Variants in KCNH8 observed in about 807,000 individuals in gnomAD.
KCNH8 encodes the protein voltage-gated delayed rectifier potassium channel KCNH8.
In KCNH8, 70 loss-of-function variants were observed where a neutral mutation model predicts 103.6. The ratio of observed to expected loss-of-function variants is 0.68; its 90% CI spans 0.56 to 0.82. The LOEUF is 0.82. KCNH8 is among the 40% of genes least tolerant of loss of function. The probability of loss-of-function intolerance (pLI) is 0.00; values close to 1 mark genes in which losing one functional copy is unlikely to be tolerated. For missense variants in KCNH8, 1,217 were observed against 1,329.9 expected (o/e 0.92, Z 1.32); for synonymous variants, 498 against 489.4 (o/e 1.02, Z -0.23).
At chr3:19,323,450 A>G (rs2065378952) in intron 3 of KCNH8, among the ~76,000 whole-genome samples, 1 of 151,884 alleles carries the variant, frequency 6.6e-6, no homozygotes, top group Non-Finnish European at 1.5e-5. Context: ...CTGTGTCTCA[A>G]AAAAAAATAA....
chr3:19,398,623 G>A (rs527875402), intron 7 of KCNH8, among the ~76,000 whole-genome samples: 64 of 151,962 alleles, frequency 4.2e-4, no homozygotes, highest in African/African-American at 1.3e-3. Context: ...AACATAGAGC[G>A]CCACCAAACA....
At chr3:19,206,212 C>CATACCACAGTTATATATATATAT (rs2063714293) in intron 1 of KCNH8, among the ~76,000 whole-genome samples, 4 of 133,992 alleles carry the variant, frequency 3.0e-5, no homozygotes, top group African/African-American at 1.4e-4. Context: ...TGTATATATA[C>CATACCACAGTTATATATATATAT]ATACCACAGT....
intron 11 of KCNH8, among the ~76,000 whole-genome samples, chr3:19,469,526 G>C (rs2067811606): frequency 6.6e-6 from 1 of 152,052 alleles, no homozygotes; most frequent in South Asian, 2.1e-4. Context: ...TGCAACCTCT[G>C]CCTCCGGGGT....
chr3:19,432,477 T>C (rs1310273259), intron 7 of KCNH8, among the ~76,000 whole-genome samples: 1 of 152,204 alleles, frequency 6.6e-6, no homozygotes, highest in Non-Finnish European at 1.5e-5. Context: ...ATGTGAACTT[T>C]AGCATATCAA....
chr3:19,159,609 T>C (rs1418713958), intron 1 of KCNH8, among the ~76,000 whole-genome samples: 2 of 152,106 alleles, frequency 1.3e-5, no homozygotes, highest in African/African-American at 2.4e-5. Context: ...TGTGGCCTTG[T>C]CTAATAGTGT....
chr3:19,163,400 A>ATTGT (rs2063252909), intron 1 of KCNH8, among the ~76,000 whole-genome samples: 1 of 150,888 alleles, frequency 6.6e-6, no homozygotes, highest in African/African-American at 2.5e-5. Context: ...ATACTTAAAG[A>ATTGT]ATTATATTAT....
intron 3 of KCNH8, among the ~76,000 whole-genome samples, chr3:19,293,788 A>G (rs911108300): frequency 2.7e-4 from 41 of 152,312 alleles, no homozygotes; most frequent in African/African-American, 9.6e-4. Context: ...TTTGTTGAGG[A>G]TCTTATCTCT....
At chr3:19,469,750 A>G (rs1223898696) in intron 11 of KCNH8, among the ~76,000 whole-genome samples, 1 of 152,196 alleles carries the variant, frequency 6.6e-6, no homozygotes, top group African/African-American at 2.4e-5. Flanking sequence ...TATTGAGGAA[A>G]TAAAGATCAA....
chr3:19,354,321 A>G (rs1277477153), intron 5 of KCNH8, among the ~76,000 whole-genome samples: 1 of 152,174 alleles, frequency 6.6e-6, no homozygotes, highest in Non-Finnish European at 1.5e-5. Flanking sequence ...TAATTTATAG[A>G]CTCAATGCTA....
chr3:19,507,881 C>T (rs2068722719), intron 11 of KCNH8, among the ~76,000 whole-genome samples: 1 of 152,172 alleles, frequency 6.6e-6, no homozygotes. Flanking sequence ...CCCAGGAAAA[C>T]ACGGAGCTGC....
At chr3:19,523,585 T>C (rs998203290) in intron 15 of KCNH8, among the ~76,000 whole-genome samples, 1 of 151,958 alleles carries the variant, frequency 6.6e-6, no homozygotes, top group Admixed American at 6.6e-5. Flanking sequence ...ACTGCTTGGC[T>C]GTTTTCCATT....
intron 11 of KCNH8, among the ~76,000 whole-genome samples, chr3:19,505,042 C>A (rs997365964): frequency 6.7e-6 from 1 of 149,488 alleles, no homozygotes; most frequent in Non-Finnish European, 1.5e-5. Flanking sequence ...TATATATACA[C>A]TATATATATA....
intron 5 of KCNH8, among the ~76,000 whole-genome samples, chr3:19,356,542 C>A (rs1005465172): frequency 6.6e-6 from 1 of 151,930 alleles, no homozygotes; most frequent in African/African-American, 2.4e-5. Flanking sequence ...TGCAAGGTTG[C>A]CTGTTAGTTA....
rs1324351704 is a variant in KCNH8, at chr3:19,380,569, TTAAATACC to T, written c.812-9909_812-9902del. ...ACTACCACAGTGAAATTCTTGGCTC[TTAAATACC>T]TAGTGATATTGACTTGACTGATCAT... On this transcript the variant is annotated intron_variant, in intron 5 of 15. Coordinates refer to ENST00000328405, the MANE Select transcript of KCNH8 (RefSeq NM_144633.3). Among the ~76,000 whole-genome samples, 6 of 152,244 alleles carry T rather than the reference TTAAATACC, an allele frequency of 3.9e-5. No individual in the cohort carries two copies. In the East Asian group the frequency reaches 1.2e-3, roughly 29 times the overall value.
rs538705936 is a variant in KCNH8 at position 19,230,053 on chromosome 3, C to T, written c.77-23601C>T. 3.3e-5 allele frequency among the ~76,000 whole-genome samples: 5 copies of T among 152,098 alleles called. No homozygotes were observed. In the East Asian group the frequency reaches 5.8e-4, roughly 18 times the overall value. ...GTGAAAGGCTCTTCTTACATGGTGG[C>T]GGAAAGAGAAAATGAGGAAGTTGCA... On this transcript the variant is annotated intron_variant, in intron 1 of 15. Transcript: ENST00000328405.
chr3:19,518,169 T>C, intron 15 of KCNH8, 95 bp downstream of exon 15: 1 of 932,290 alleles, frequency 1.1e-6, no homozygotes, highest in Non-Finnish European at 1.7e-6. Flanking sequence ...GTTACAAGCA[T>C]GCATTCCAGA....
intron 1 of KCNH8, among the ~76,000 whole-genome samples, chr3:19,238,290 T>C (rs954653587): frequency 6.6e-6 from 1 of 152,242 alleles, no homozygotes; most frequent in African/African-American, 2.4e-5. Flanking sequence ...ATCAGTGGGC[T>C]CTGCTTCTGT....
At chr3:19,482,968 T>A (rs762662031) in intron 11 of KCNH8, among the ~76,000 whole-genome samples, 7 of 152,212 alleles carry the variant, frequency 4.6e-5, no homozygotes, top group Admixed American at 1.3e-4. Context: ...GGGAGTCTGG[T>A]ATCCCCACGA....
At chr3:19,337,786 T>G (rs2125314039) in intron 3 of KCNH8, among the ~76,000 whole-genome samples, 1 of 152,230 alleles carries the variant, frequency 6.6e-6, no homozygotes, top group South Asian at 2.1e-4. Context: ...CAACTTCTGT[T>G]GTCTCTTTCT....
Sources: gnomAD v4.1 joint callset for allele counts (sites outside exome capture counted in the v4.1 genomes callset) on GRCh38, gnomAD v4.1.1 for gene constraint, MANE v1.5 for transcripts, NCBI Gene and HGNC (gene_info 2026-07-23, HGNC 2026-07-21) for gene names.